PARD3B: variants seen among roughly 807,000 people sequenced by gnomAD.
The protein encoded by PARD3B is par-3 family cell polarity regulator beta, also known as partitioning defective 3 homolog B.
Under a neutral mutation model 130.2 loss-of-function variants are expected in PARD3B, and 103 were observed. The ratio of observed to expected loss-of-function variants is 0.79; its 90% CI spans 0.67 to 0.93. The LOEUF (loss-of-function observed/expected upper bound fraction) is 0.93, where lower values mean the gene tolerates loss of function less well. Ranked by LOEUF, PARD3B falls within the 40% of genes least tolerant of loss-of-function variation. The pLI is 0.00. For synonymous variants in PARD3B, 583 were observed against 553.2 expected (o/e 1.05, Z -0.76); for missense variants, 1,609 against 1,499.2 (o/e 1.07, Z -1.21).
At chr2:204,599,905 C>T (rs2033441893) in intron 1 of PARD3B, among the ~76,000 whole-genome samples, 1 of 151,906 alleles carries the variant, frequency 6.6e-6, no homozygotes, top group East Asian at 1.9e-4. Context: ...CATGATATCT[C>T]ATTATGGCTT....
intron 2 of PARD3B, among the ~76,000 whole-genome samples, chr2:204,697,255 C>T (rs762539669): frequency 6.6e-6 from 1 of 152,034 alleles, no homozygotes; most frequent in African/African-American, 2.4e-5. Flanking sequence ...TTACAGAGCT[C>T]TTGGTTGACT....
At chr2:205,145,720 A>G (rs1248848431) in intron 10 of PARD3B, among the ~76,000 whole-genome samples, 1 of 151,770 alleles carries the variant, frequency 6.6e-6, no homozygotes, top group Non-Finnish European at 1.5e-5. Context: ...TGCTCCGTGT[A>G]AAGTTGTTTT....
At chr2:205,232,530 A>C (rs2038893238) in intron 15 of PARD3B, among the ~76,000 whole-genome samples, 1 of 152,234 alleles carries the variant, frequency 6.6e-6, no homozygotes, top group South Asian at 2.1e-4. Flanking sequence ...CCAATAAAAT[A>C]TTAATATGCA....
rs967643109 is a variant in PARD3B at position 205,303,963 on chromosome 2, G to A, written c.2630+2262G>A. ...CTTCTGTGGGCTGAAGGTGAATGAT[G>A]GGAGATGATGGTTTAGGGGCCAGTT... On this transcript the variant is annotated intron_variant, in intron 18 of 22. Coordinates refer to ENST00000406610, the MANE Select transcript of PARD3B (RefSeq NM_001302769.2). Among the ~76,000 whole-genome samples the A allele has an allele frequency of 3.9e-5, 6 of 152,272 alleles. No individual in the cohort carries two copies. The East Asian group carries it at 1.2e-3, about 29-fold the overall frequency.
chr2:204,553,650 CCATATATATATATA>C lies in PARD3B; in HGVS notation c.120+7532_120+7545del, dbSNP rs1331071316. ...TATATGGATATATATTTATATATAT[CCATATATATATATA>C]TATATATATATATATATATATATAT... On this transcript the variant is annotated intron_variant, in intron 1 of 22. Transcript: ENST00000406610. Among the ~76,000 whole-genome samples the C allele has an allele frequency of 7.1e-3, 189 of 26,592 alleles. 1 individual carries two copies. The highest frequency in any genetic ancestry group is 0.029 in the African/African-American group (177 of 6,050). 17.4% of individuals were successfully genotyped at this position (26,592 alleles called of 152,430 possible). A position where few individuals can be genotyped will look rare whatever the true frequency, so the allele number is the denominator to read the frequency against.
chr2:204,547,656 T>G lies in PARD3B; in HGVS notation c.120+1537T>G, dbSNP rs568122126. 2.0e-5 allele frequency among the ~76,000 whole-genome samples: 3 copies of G among 152,314 alleles called. No individual in the cohort carries two copies. In the South Asian group the frequency reaches 6.2e-4, roughly 32 times the overall value. On this transcript the variant is annotated intron_variant, in intron 1 of 22. Coordinates refer to ENST00000406610, the MANE Select transcript of PARD3B (RefSeq NM_001302769.2). ...CATTACTCCAGACAGATTATTGAAA[T>G]AGATCTCATTGAGGGATTGTCTTAC...
At chr2:205,148,179 G>T (rs1276859305) in intron 10 of PARD3B, among the ~76,000 whole-genome samples, 2 of 151,664 alleles carry the variant, frequency 1.3e-5, no homozygotes, top group Non-Finnish European at 2.9e-5. Context: ...TATCTATATA[G>T]TCTGTGTTGT....
At chr2:205,436,591 TA>T (rs756495410) in intron 19 of PARD3B, among the ~76,000 whole-genome samples, 9 of 151,706 alleles carry the variant, frequency 5.9e-5, no homozygotes, top group Admixed American at 1.3e-4. Context: ...TAATTTTCTT[TA>T]AAAAAAAATC....
At chr2:205,565,898 C>T (rs1419264473) in intron 22 of PARD3B, among the ~76,000 whole-genome samples, 1 of 145,116 alleles carries the variant, frequency 6.9e-6, no homozygotes, top group Admixed American at 6.9e-5. Flanking sequence ...AAAATTGTAA[C>T]TCTGCCCATT....
At position 204,675,082 on chromosome 2, in the gene PARD3B, A is replaced by C. The variant is rs947489550; in HGVS notation, c.121-11099A>C. On this transcript the variant is annotated intron_variant, in intron 1 of 22. Transcript: ENST00000406610. This position sits in a 1 kb window ranked among gnomAD's most constrained non-coding sequence, Gnocchi z 4.4. ...GCTTTGAATTCCTCTGGACCACACA[A>C]GTTTCTAAAACCTTGGCATCCAGGG... Among the ~76,000 whole-genome samples the C allele has an allele frequency of 6.6e-6, 1 of 152,144 alleles. No individual in the cohort carries two copies. The highest frequency in any genetic ancestry group is 2.4e-5 in the African/African-American group (1 of 41,446).
At chr2:204,627,741 C>A (rs2034535699) in intron 1 of PARD3B, among the ~76,000 whole-genome samples, 1 of 152,046 alleles carries the variant, frequency 6.6e-6, no homozygotes, top group African/African-American at 2.4e-5. Flanking sequence ...ATGATGGGAA[C>A]CTGGAATTCA....
intron 18 of PARD3B, among the ~76,000 whole-genome samples, chr2:205,381,008 A>ATC (rs1181152255): frequency 4.6e-5 from 3 of 64,824 alleles, no homozygotes; most frequent in Admixed American, 3.0e-4. Flanking sequence ...TATATATAAT[A>ATC]TAAAGAATAT....
At chr2:205,069,438 A>C (rs955175850) in intron 4 of PARD3B, among the ~76,000 whole-genome samples, 4 of 152,080 alleles carry the variant, frequency 2.6e-5, no homozygotes, top group African/African-American at 9.7e-5. Flanking sequence ...AATGTATTGT[A>C]ATTACTGATC....
intron 10 of PARD3B, among the ~76,000 whole-genome samples, chr2:205,145,736 C>T (rs1265313081): frequency 6.6e-6 from 1 of 151,130 alleles, no homozygotes. Context: ...GTTTTCATGG[C>T]CAGGGAAGTT....
At position 204,750,830 on chromosome 2, in the gene PARD3B, T is replaced by C. The variant is rs2040437129; in HGVS notation, c.222+64548T>C. On this transcript the variant is annotated intron_variant, in intron 2 of 22. Transcript: ENST00000406610. ...TTTTAAAGTGTGAGCACACATAATTTTATATAATATCTTCATCAGATTTAA... is the reference window on the plus strand; with the variant it reads ...TTTTAAAGTGTGAGCACACATAATTCTATATAATATCTTCATCAGATTTAA... 5.9e-5 allele frequency among the ~76,000 whole-genome samples: 9 copies of C among 152,176 alleles called. No homozygotes were observed. The South Asian group carries it at 1.9e-3, about 32-fold the overall frequency.
At chr2:205,004,588 G>GGAAATGAAAT (rs1204209006) in intron 3 of PARD3B, among the ~76,000 whole-genome samples, 1 of 152,076 alleles carries the variant, frequency 6.6e-6, no homozygotes, top group East Asian at 1.9e-4. Context: ...GGAAGGCAGA[G>GGAAATGAAAT]GAAATGAAAT....
At position 205,444,873 on chromosome 2, in the gene PARD3B, A is replaced by G. The variant is rs571292533; in HGVS notation, c.3044+4201A>G. ...AGAGAGCTCAGTGGAATAAGGACTA[A>G]AAAGAGGGCTTTAGATTTGGCCACT... is the stretch of plus-strand genomic sequence containing the variant. On this transcript the variant is annotated intron_variant, in intron 20 of 22. Transcript: ENST00000406610. Among the ~76,000 whole-genome samples the G allele has an allele frequency of 2.0e-3, 311 of 152,330 alleles. 1 individual carries two copies. Among genetic ancestry groups the G allele is most frequent in the African/African-American group, 7.0e-3 (293 of 41,570 alleles).
At chr2:205,083,961 A>T (rs1394778002) in intron 4 of PARD3B, among the ~76,000 whole-genome samples, 2 of 152,148 alleles carry the variant, frequency 1.3e-5, no homozygotes, top group Non-Finnish European at 2.9e-5. Flanking sequence ...TTTATATATA[A>T]ATACTTCAGT....
chr2:205,382,302 C>A (rs995043943), intron 18 of PARD3B, among the ~76,000 whole-genome samples: 1 of 151,964 alleles, frequency 6.6e-6, no homozygotes, highest in African/African-American at 2.4e-5. Context: ...AAATGTCACT[C>A]AATTTGGGTT....
Sources: allele counts gnomAD v4.1 joint callset (sites outside exome capture counted in the v4.1 genomes callset), GRCh38; gene constraint gnomAD v4.1.1; non-coding constraint Gnocchi (gnomAD v3.1); transcripts MANE v1.5; gene names NCBI Gene and HGNC (gene_info 2026-07-23, HGNC 2026-07-21).